Variants in C8orf89 observed in about 807,000 individuals in gnomAD.
C8orf89 encodes the protein chromosome 8 open reading frame 89.
A neutral mutation model predicts 15.8 loss-of-function variants in C8orf89; 14 were observed. The observed-to-expected ratio is 0.89, with a 90% CI of 0.59 to 1.39. C8orf89 has a LOEUF of 1.39. Among genes scored for constraint, C8orf89 ranks in the 40% most tolerant of loss-of-function variants. The pLI is 0.00. For synonymous variants in C8orf89, 55 were observed against 62.2 expected, an observed-to-expected ratio of 0.88 and a Z score of 0.54; for missense variants, 181 against 184.5, an observed-to-expected ratio of 0.98 and a Z score of 0.11.
At chr8:73,271,404 G>A in the C8orf89 span, among the ~76,000 whole-genome samples, 1 of 152,130 alleles carries the variant, frequency 6.6e-6, no homozygotes, top group East Asian at 1.9e-4. Context: ...GATTGGTTCT[G>A]GGGAAATGGA....
chr8:73,260,322 G>A (rs1056761513), upstream of C8orf89, among the ~76,000 whole-genome samples: 17 of 151,830 alleles, frequency 1.1e-4, no homozygotes, highest in Non-Finnish European at 2.9e-5. Flanking sequence ...TCACTCATAG[G>A]TGGGAATTGA....
the C8orf89 span, among the ~76,000 whole-genome samples, chr8:73,267,186 T>C: frequency 6.6e-6 from 1 of 152,338 alleles, no homozygotes; most frequent in South Asian, 2.1e-4. Context: ...ATATATGCTA[T>C]GTTTTTTCCT....
chr8:73,276,164 G>T, the C8orf89 span, among the ~76,000 whole-genome samples: 2 of 145,374 alleles, frequency 1.4e-5, no homozygotes, highest in African/African-American at 2.5e-5. Flanking sequence ...TGTACATACA[G>T]GTGATTTCTG....
the C8orf89 span, among the ~76,000 whole-genome samples, chr8:73,284,458 C>T: frequency 6.6e-6 from 1 of 151,982 alleles, no homozygotes; most frequent in Non-Finnish European, 1.5e-5. Flanking sequence ...TGTGATCTGC[C>T]CGCCTCGGCC....
chr8:73,265,219 T>C, the C8orf89 span, among the ~76,000 whole-genome samples: 1 of 152,244 alleles, frequency 6.6e-6, no homozygotes, highest in African/African-American at 2.4e-5. Context: ...TTTGCATTTT[T>C]AATGTGGCTT....
chr8:73,269,069 C>T, the C8orf89 span, among the ~76,000 whole-genome samples: 1 of 152,086 alleles, frequency 6.6e-6, no homozygotes, highest in Non-Finnish European at 1.5e-5. Flanking sequence ...ATGTAGACTT[C>T]ATTGTGGGGA....
the C8orf89 span, among the ~76,000 whole-genome samples, chr8:73,274,049 A>G: frequency 6.6e-6 from 1 of 152,066 alleles, no homozygotes; most frequent in Non-Finnish European, 1.5e-5. Context: ...ATTACTGTTA[A>G]CTATTTTCTC....
upstream of C8orf89, chr8:73,259,547 C>T (rs1420409723): frequency 2.3e-6 from 2 of 861,750 alleles, no homozygotes; most frequent in Non-Finnish European, 3.3e-6. Context: ...ACGTCCGAGA[C>T]AAGGCAAACA....
At chr8:73,272,451 A>AAT in the C8orf89 span, among the ~76,000 whole-genome samples, 6 of 151,714 alleles carry the variant, frequency 4.0e-5, no homozygotes, top group East Asian at 1.9e-4. Context: ...TCTTTTTTTT[A>AAT]ATATATATAT....
chr8:73,258,763 C>T (rs764541010), intron 1 of C8orf89, among the ~76,000 whole-genome samples: 78 of 151,734 alleles, frequency 5.1e-4, no homozygotes, highest in Non-Finnish European at 1.0e-3. Context: ...CCTGAGTAGC[C>T]GGGACCACAG....
At chr8:73,277,356 C>T in the C8orf89 span, 34 of 904,984 alleles carry the variant, frequency 3.8e-5, no homozygotes, top group Admixed American at 3.7e-4. Flanking sequence ...CAGTTTCACA[C>T]GATCATTTTT....
chr8:73,283,211 G>A, the C8orf89 span, among the ~76,000 whole-genome samples: 1 of 152,226 alleles, frequency 6.6e-6, no homozygotes, highest in Non-Finnish European at 1.5e-5. Flanking sequence ...AGGGGAACCA[G>A]CATCATAGGA....
At chr8:73,245,908 T>C (rs182002662) in intron 3 of C8orf89, among the ~76,000 whole-genome samples, 30 of 152,268 alleles carry the variant, frequency 2.0e-4, no homozygotes, top group African/African-American at 6.5e-4. Flanking sequence ...GAAAAATCAT[T>C]CCAATTTTAG....
intron 1 of C8orf89, among the ~76,000 whole-genome samples, chr8:73,258,940 T>A (rs1813467763): frequency 6.6e-6 from 1 of 152,154 alleles, no homozygotes; most frequent in South Asian, 2.1e-4. Context: ...TTGGTTAGAA[T>A]TATTAATACA....
At chr8:73,258,730 G>A (rs964068544) in intron 1 of C8orf89, among the ~76,000 whole-genome samples, 1 of 150,886 alleles carries the variant, frequency 6.6e-6, no homozygotes, top group African/African-American at 2.5e-5. Flanking sequence ...TCCAGGCTCA[G>A]GTGATCCTTC....
At chr8:73,261,058 T>C (rs1268086997), upstream of C8orf89, among the ~76,000 whole-genome samples, 3 of 152,296 alleles carry the variant, frequency 2.0e-5, no homozygotes, top group Middle Eastern at 3.4e-3. Context: ...CACCCAGTGA[T>C]TTGTCAGGGG....
intron 2 of C8orf89, among the ~76,000 whole-genome samples, chr8:73,256,414 A>C (rs1029483117): frequency 6.6e-6 from 1 of 152,020 alleles, no homozygotes; most frequent in African/African-American, 2.4e-5. Flanking sequence ...AGGCTAGGAC[A>C]ATCAAGGTTT....
At chr8:73,261,798 A>C (rs1813534127), upstream of C8orf89, among the ~76,000 whole-genome samples, 1 of 152,180 alleles carries the variant, frequency 6.6e-6, no homozygotes, top group South Asian at 2.1e-4. Flanking sequence ...AATCCAGCTC[A>C]GCACTGGTTC....
Position 73,257,126 on chromosome 8 carries a change from T to A in C8orf89, c.128A>T (p.Glu43Val). ...AVLETQKIKK[E>V]YTTAFGLEEL... ...TTCTAGACCAAATGCTGTGGTATAT[T>A]CTGGTTAAAAATATATAAGAATCAT... The change falls in exon 2 of 4, where the codon GAA (glutamate) becomes GTA (valine). Residue 43 changes from glutamate to valine, a missense_variant and splice_region_variant. By Grantham distance (121) the Glu-to-Val change is moderately radical. Coordinates refer to ENST00000624510, the MANE Select transcript of C8orf89 (RefSeq NM_001243237.3). 6.6e-7 allele frequency: 1 copy of A among 1,523,716 alleles called. No individual in the cohort carries two copies. Among genetic ancestry groups the A allele is most frequent in the African/African-American group, 1.4e-5 (1 of 72,516 alleles). The allele number at this position is 1,523,716 out of a possible 1,614,324, so 94.4% of individuals were successfully genotyped here.
Sources: gnomAD v4.1 joint callset for allele counts (sites outside exome capture counted in the v4.1 genomes callset) on GRCh38, gnomAD v4.1.1 for gene constraint, MANE v1.5 for transcripts, NCBI Gene and HGNC (gene_info 2026-07-23, HGNC 2026-07-21) for gene names.